The following AIM2 variants were observed in gnomAD, a reference collection of about 807,000 sequenced individuals.
The protein encoded by AIM2 is absent in melanoma 2.
A neutral mutation model predicts 27.7 loss-of-function variants in AIM2; 30 were observed. That is an observed-to-expected ratio of 1.08 (90% CI 0.81 to 1.47). AIM2 has a LOEUF of 1.47. Among genes scored for constraint, AIM2 ranks in the 40% most tolerant of loss-of-function variants. The pLI, the probability that AIM2 is intolerant of heterozygous loss-of-function variation, is 0.00. For missense variants in AIM2, 358 were observed against 411.3 expected, an observed-to-expected ratio of 0.87 and a Z score of 1.12; for synonymous variants, 141 against 145.3, an observed-to-expected ratio of 0.97 and a Z score of 0.21.
intron 5 of AIM2, 49 bp from the exon 6 acceptor site, chr1:159,062,767 C>T: frequency 1.3e-6 from 2 of 1,570,374 alleles, no homozygotes; most frequent in South Asian, 2.2e-5. Flanking sequence ...CGATGAGTGG[C>T]CCCTCCACTG....
intron 1 of AIM2, among the ~76,000 whole-genome samples, chr1:159,126,488 A>C (rs976078219): frequency 3.3e-5 from 5 of 152,068 alleles, no homozygotes; most frequent in Non-Finnish European, 7.4e-5. Context: ...TCTACTAAAA[A>C]TACAAAAAAA....
At chr1:159,115,609 G>A (rs1279270389) in intron 1 of AIM2, among the ~76,000 whole-genome samples, 1 of 152,196 alleles carries the variant, frequency 6.6e-6, no homozygotes, top group African/African-American at 2.4e-5. Context: ...AATAAATGGT[G>A]CTGGGAAAAC....
At chr1:159,055,850 C>A in the AIM2 span, among the ~76,000 whole-genome samples, 1 of 152,152 alleles carries the variant, frequency 6.6e-6, no homozygotes, top group Non-Finnish European at 1.5e-5. Flanking sequence ...TGATTGTTTT[C>A]TCCTCTTTAC....
intron 1 of AIM2, among the ~76,000 whole-genome samples, chr1:159,111,854 C>CTATG (rs1452563934): frequency 5.4e-5 from 8 of 149,228 alleles, no homozygotes; most frequent in African/African-American, 2.0e-4. Flanking sequence ...ATCTATCTAT[C>CTATG]TATCTATCTA....
intron 4 of AIM2, among the ~76,000 whole-genome samples, chr1:159,065,056 A>G (rs1048303687): frequency 3.3e-5 from 5 of 152,094 alleles, no homozygotes; most frequent in Non-Finnish European, 7.4e-5. Context: ...TTCCAGGAGG[A>G]CTGGAGAGTC....
At chr1:159,093,328 T>C (rs1657091007) in intron 1 of AIM2, among the ~76,000 whole-genome samples, 1 of 152,202 alleles carries the variant, frequency 6.6e-6, no homozygotes, top group South Asian at 2.1e-4. Flanking sequence ...TGCAGTGACG[T>C]AGCCAGAACA....
At chr1:159,141,758 T>C (rs1346281531), upstream of AIM2, among the ~76,000 whole-genome samples, 2 of 151,824 alleles carry the variant, frequency 1.3e-5, no homozygotes, top group Non-Finnish European at 2.9e-5. Flanking sequence ...CATCTCAGCA[T>C]CCTGCTCTCT....
Position 159,120,165 on chromosome 1 carries a change from T to C in AIM2, c.-16+20266A>G, listed in dbSNP as rs1419944899. The stretch of plus-strand genomic sequence containing the variant: ...TTTATTTATTTGCTTTATTCTAGAA[T>C]ATACGTAAAATAATTTCAAAATTAT... On this transcript the variant is annotated intron_variant, in intron 1 of 2. Coordinates refer to the AIM2 transcript ENST00000368129. Among the ~76,000 whole-genome samples the C allele has an allele frequency of 1.8e-4, 28 of 152,134 alleles. 1 individual carries two copies. The highest frequency in any genetic ancestry group is 1.8e-3 in the Admixed American group (28 of 15,254).
chr1:159,137,888 G>A (rs1050730120), intron 1 of AIM2, among the ~76,000 whole-genome samples: 2 of 152,172 alleles, frequency 1.3e-5, no homozygotes, highest in Non-Finnish European at 2.9e-5. Context: ...TCCCTCATGA[G>A]ATTTAAGTCA....
chr1:159,119,018 T>C (rs1221736243), intron 1 of AIM2, among the ~76,000 whole-genome samples: 7 of 152,118 alleles, frequency 4.6e-5, no homozygotes, highest in Non-Finnish European at 1.0e-4. Flanking sequence ...CAGTCCCTAG[T>C]TTGGCATTAC....
intron 1 of AIM2, among the ~76,000 whole-genome samples, chr1:159,082,513 T>C (rs1468120176): frequency 6.6e-6 from 1 of 152,144 alleles, no homozygotes; most frequent in Non-Finnish European, 1.5e-5. Flanking sequence ...TTCTTTTTTT[T>C]AAAGGCAAGG....
upstream of AIM2, among the ~76,000 whole-genome samples, chr1:159,143,245 C>A (rs1338693111): frequency 3.3e-5 from 5 of 152,134 alleles, no homozygotes; most frequent in South Asian, 8.3e-4. Flanking sequence ...TCAGTCAGAT[C>A]AGGAATATAA....
intron 1 of AIM2, among the ~76,000 whole-genome samples, chr1:159,137,793 CAAG>C (rs1648038965): frequency 6.6e-6 from 1 of 152,132 alleles, no homozygotes; most frequent in Non-Finnish European, 1.5e-5. Context: ...GCGCATTTTG[CAAG>C]AAGACTTACT....
At chr1:159,116,287 G>T (rs572533412) in intron 1 of AIM2, among the ~76,000 whole-genome samples, 63 of 152,246 alleles carry the variant, frequency 4.1e-4, no homozygotes, top group African/African-American at 1.4e-3. Flanking sequence ...ATTCCTCAGG[G>T]ATCTAGAACT....
chr1:159,107,306 ATGTG>A (rs72077036), intron 1 of AIM2, among the ~76,000 whole-genome samples: 158 of 147,928 alleles, frequency 1.1e-3, no homozygotes, highest in Middle Eastern at 6.9e-3. Flanking sequence ...ACATGTGTGT[ATGTG>A]TGTGTGTGTG....
chr1:159,140,802 G>A (rs554827567), upstream of AIM2, among the ~76,000 whole-genome samples: 3 of 152,160 alleles, frequency 2.0e-5, no homozygotes, highest in Non-Finnish European at 2.9e-5. Flanking sequence ...AAATGAACGC[G>A]GGAGGAGAGA....
At chr1:159,064,291 A>C (rs538167773) in intron 4 of AIM2, among the ~76,000 whole-genome samples, 36 of 152,352 alleles carry the variant, frequency 2.4e-4, no homozygotes, top group South Asian at 4.1e-4. Flanking sequence ...TACTTAGAAC[A>C]TGTTGTCTCC....
In AIM2 at chr1:159,132,041, T is replaced by C. The variant is rs149339201; in HGVS notation, c.-16+8390A>G. The stretch of plus-strand genomic sequence containing the variant: ...GAAACTCAAACTTCATGGGGGCAAA[T>C]GCTGTGTGTGCAAAATCACTGACTT... On this transcript the variant is annotated intron_variant, in intron 1 of 2. Transcript: ENST00000368129. Among the ~76,000 whole-genome samples, 158 of 151,926 alleles carry C rather than the reference T, an allele frequency of 1.0e-3. 1 individual carries two copies. The East Asian group carries it at 0.028, about 27-fold the overall frequency.
intron 1 of AIM2, among the ~76,000 whole-genome samples, chr1:159,103,806 G>A (rs1259037481): frequency 6.6e-6 from 1 of 152,030 alleles, no homozygotes; most frequent in Non-Finnish European, 1.5e-5. Context: ...AATTCTAGGG[G>A]GAGTTTTCTC....
Sources: allele counts gnomAD v4.1 joint callset (sites outside exome capture counted in the v4.1 genomes callset), GRCh38; gene constraint gnomAD v4.1.1; transcripts MANE v1.5; gene names NCBI Gene and HGNC (gene_info 2026-07-23, HGNC 2026-07-21).